Variants in HEPHL1 observed in about 807,000 individuals in gnomAD.
HEPHL1 encodes hephaestin like 1, also known as ferroxidase HEPHL1.
Under a neutral mutation model 122.0 loss-of-function variants are expected in HEPHL1, and 123 were observed. The observed-to-expected ratio is 1.01, with a 90% CI of 0.87 to 1.17. The LOEUF (loss-of-function observed/expected upper bound fraction) is 1.17, where lower values mean the gene tolerates loss of function less well. HEPHL1 is among the 50% of genes most tolerant of loss of function. The pLI, the probability that HEPHL1 is intolerant of heterozygous loss-of-function variation, is 0.00. For synonymous variants in HEPHL1, 527 were observed against 508.9 expected, an observed-to-expected ratio of 1.04 and a Z score of -0.48; for missense variants, 1,452 against 1,430.5, an observed-to-expected ratio of 1.01 and a Z score of -0.24.
At chr11:94,066,171 G>T (rs1261544992) in intron 4 of HEPHL1, among the ~76,000 whole-genome samples, 20 of 152,186 alleles carry the variant, frequency 1.3e-4, no homozygotes, top group African/African-American at 4.6e-4. Flanking sequence ...CCCAGCCTGG[G>T]TGACAGAGCA....
intron 1 of HEPHL1, among the ~76,000 whole-genome samples, chr11:94,025,617 G>T (rs1416885342): frequency 7.2e-5 from 11 of 152,136 alleles, no homozygotes; most frequent in African/African-American, 1.2e-4. Flanking sequence ...TGTAGAGTCT[G>T]TTAGTTGACC....
chr11:94,049,218 G>A (rs192167954), intron 2 of HEPHL1, among the ~76,000 whole-genome samples: 40 of 152,058 alleles, frequency 2.6e-4, no homozygotes, highest in Non-Finnish European at 5.0e-4. Context: ...TTAAAAAAAT[G>A]CTCAACATCA....
At chr11:94,030,181 G>C (rs190319717) in intron 1 of HEPHL1, among the ~76,000 whole-genome samples, 133 of 152,178 alleles carry the variant, frequency 8.7e-4, no homozygotes, top group Non-Finnish European at 1.5e-3. Context: ...AGCATACCAG[G>C]GATTCTGAAT....
chr11:94,108,429 C>G (rs1173589392), intron 17 of HEPHL1, among the ~76,000 whole-genome samples: 2 of 151,790 alleles, frequency 1.3e-5, no homozygotes, highest in Non-Finnish European at 2.9e-5. Flanking sequence ...TACAATTTTT[C>G]TTTTTTCTCT....
rs573679688 is a variant in HEPHL1 at position 94,099,671 on chromosome 11, C to G, written c.2435-1524C>G. On this transcript the variant is annotated intron_variant, in intron 13 of 19. Coordinates refer to ENST00000315765, the MANE Select transcript of HEPHL1 (RefSeq NM_001098672.2). ...TGCGGTGGGCTCCACCCAGTTCGAG[C>G]TTCCCAGCCGCTTTGTTTACCTACT... 7.9e-5 allele frequency among the ~76,000 whole-genome samples: 12 copies of G among 152,290 alleles called. No individual in the cohort carries two copies. In the South Asian group the frequency reaches 2.5e-3, roughly 32 times the overall value.
chr11:94,087,099 T>C (rs1462399400), intron 11 of HEPHL1, among the ~76,000 whole-genome samples: 6 of 152,226 alleles, frequency 3.9e-5, no homozygotes, highest in Admixed American at 3.9e-4. Context: ...AGGAGCTCCA[T>C]AGTCTTTTCT....
chr11:94,033,131 G>A (rs1189906703), intron 1 of HEPHL1, among the ~76,000 whole-genome samples: 2 of 152,216 alleles, frequency 1.3e-5, no homozygotes, highest in East Asian at 1.9e-4. Flanking sequence ...CCTCTTCCAA[G>A]GGTGCTTTCC....
chr11:94,044,249 C>T lies in HEPHL1; in HGVS notation c.171-1424C>T, dbSNP rs182620144. 5.9e-3 allele frequency among the ~76,000 whole-genome samples: 905 copies of T among 152,148 alleles called. 37 individuals carry two copies. The highest frequency in any genetic ancestry group is 0.055 in the Admixed American group (835 of 15,288). On this transcript the variant is annotated intron_variant, in intron 1 of 19. Transcript: ENST00000315765. ...GACTGAGTCTGCCCTACGTCTAGGTCCCCAGGAAGGCATCTGGTCATCTCA... is the reference window on the plus strand; with the variant it reads ...GACTGAGTCTGCCCTACGTCTAGGTTCCCAGGAAGGCATCTGGTCATCTCA...
Position 94,101,322 on chromosome 11 carries a change from C to T in HEPHL1, c.2562C>T (p.Pro854=), listed in dbSNP as rs1367241494. The T allele has an allele frequency of 1.2e-6, 2 of 1,612,470 alleles. No individual in the cohort carries two copies. The highest frequency in any genetic ancestry group is 1.7e-6 in the Non-Finnish European group (2 of 1,179,026). The change falls in exon 14 of 20, where the codon CCC becomes CCT. Residue 854 remains proline (P), a synonymous_variant. Transcript: ENST00000315765. The part of the protein sequence containing the change: ...EMDSGKQFQV[P]MTKPGEVKTY... ...ATAGTGGAAAGCAATTCCAAGTGCC[C>T]ATGACAAAACCAGGTAAGTTGTGTC...
chr11:94,051,394 T>A (rs551910211), intron 2 of HEPHL1, among the ~76,000 whole-genome samples: 1 of 152,300 alleles, frequency 6.6e-6, no homozygotes, highest in African/African-American at 2.4e-5. Flanking sequence ...TATATTTCTC[T>A]GATGACCAAT....
chr11:94,058,431 T>C (rs980380385), intron 2 of HEPHL1, among the ~76,000 whole-genome samples: 17 of 152,290 alleles, frequency 1.1e-4, no homozygotes, highest in Admixed American at 9.8e-4. Context: ...TTCAACTTAG[T>C]GTTTGCTGTG....
At chr11:94,107,148 G>A (rs141164608) in intron 17 of HEPHL1, among the ~76,000 whole-genome samples, 149 of 152,336 alleles carry the variant, frequency 9.8e-4, no homozygotes, top group Middle Eastern at 6.8e-3. Context: ...CCAATGTGTG[G>A]AGAAAACTGG....
At chr11:94,052,973 A>C (rs140888377) in intron 2 of HEPHL1, among the ~76,000 whole-genome samples, 11 of 152,160 alleles carry the variant, frequency 7.2e-5, no homozygotes, top group African/African-American at 2.4e-4. Flanking sequence ...TGTCAAGGTA[A>C]TACTTGCCTC....
Position 94,112,747 on chromosome 11 carries a change from T to A in HEPHL1, c.*853T>A, listed in dbSNP as rs554239569. 6.6e-6 allele frequency: 1 copy of A among 152,346 alleles called. No individual in the cohort carries two copies. Among genetic ancestry groups the A allele is most frequent in the South Asian group, 2.1e-4 (1 of 4,822 alleles). The allele number at this position is 152,346 out of a possible 1,614,324, so 9.4% of individuals were successfully genotyped here. On this transcript the variant is annotated 3_prime_UTR_variant, in exon 20 of 20. Coordinates refer to ENST00000315765, the MANE Select transcript of HEPHL1 (RefSeq NM_001098672.2). Reference sequence around the variant, plus strand: ...TATGAATCAGGGACTCCCTGAGAGTTTAGAGCAAGCTTTCTATCAGGGAGG... The same window carrying A: ...TATGAATCAGGGACTCCCTGAGAGTATAGAGCAAGCTTTCTATCAGGGAGG...
intron 17 of HEPHL1, 106 bp downstream of exon 17, chr11:94,106,236 G>C: frequency 2.5e-6 from 2 of 802,222 alleles, no homozygotes; most frequent in Non-Finnish European, 3.9e-6. Context: ...TGTGAGGATA[G>C]GTGAGAATGG....
Position 94,045,763 on chromosome 11 carries a change from C to T in HEPHL1, c.261C>T (p.Tyr87=), listed in dbSNP as rs763087711. 125 of 1,613,812 alleles carry T rather than the reference C, an allele frequency of 7.7e-5. No homozygotes were observed. Among genetic ancestry groups the T allele is most frequent in the Non-Finnish European group, 1.0e-4 (123 of 1,179,868 alleles). The change falls in exon 2 of 20, where the codon TAC becomes TAT. Residue 87 remains tyrosine (Y), a synonymous_variant. Transcript: ENST00000315765. ...ACAGACGCTTCACGGATGGAACCTACTCCATAGAGATCCCCAAACCTCCCT... is the reference window on the plus strand; with the variant it reads ...ACAGACGCTTCACGGATGGAACCTATTCCATAGAGATCCCCAAACCTCCCT... ...AVYRRFTDGT[Y]SIEIPKPPWL...
intron 16 of HEPHL1, among the ~76,000 whole-genome samples, chr11:94,105,715 C>T (rs1177245599): frequency 6.6e-6 from 1 of 152,122 alleles, no homozygotes; most frequent in Non-Finnish European, 1.5e-5. Flanking sequence ...TATTTCCCTT[C>T]ATAAAGAGAT....
chr11:94,046,091 CTTTTTT>C (rs755367459), intron 2 of HEPHL1, among the ~76,000 whole-genome samples, 174 bp downstream of exon 2: 25 of 65,054 alleles, frequency 3.8e-4, no homozygotes, highest in African/African-American at 1.4e-3. Context: ...CCCTTTCTTG[CTTTTTT>C]TTTTTTTTTT....
chr11:94,071,736 T>G (rs566412792), intron 6 of HEPHL1, among the ~76,000 whole-genome samples: 2 of 152,220 alleles, frequency 1.3e-5, no homozygotes, highest in East Asian at 3.9e-4. Flanking sequence ...GGTAGTGAGT[T>G]ATCTGGATGC....
Sources: allele counts gnomAD v4.1 joint callset (sites outside exome capture counted in the v4.1 genomes callset), GRCh38; gene constraint gnomAD v4.1.1; transcripts MANE v1.5; gene names NCBI Gene and HGNC (gene_info 2026-07-23, HGNC 2026-07-21).